Variants in CCSER2 observed in about 807,000 individuals in gnomAD.
CCSER2 encodes the protein coiled-coil serine rich protein 2.
Under a neutral mutation model 92.3 loss-of-function variants are expected in CCSER2, and 46 were observed. The observed-to-expected ratio is 0.50, with a 90% confidence interval of 0.39 to 0.64. CCSER2 has a LOEUF of 0.64. CCSER2 is among the 30% of genes least tolerant of loss of function. The pLI, the probability that CCSER2 is intolerant of heterozygous loss-of-function variation, is 0.00. For missense variants in CCSER2, 1,244 were observed against 1,238.9 expected (o/e 1.00, Z -0.06); for synonymous variants, 433 against 431.4 (o/e 1.00, Z -0.04).
chr10:84,450,390 A>G (rs1484139164), intron 6 of CCSER2, among the ~76,000 whole-genome samples: 1 of 152,224 alleles, frequency 6.6e-6, no homozygotes, highest in Non-Finnish European at 1.5e-5. Flanking sequence ...AGAGAAATAT[A>G]TGTATATCTC....
At chr10:84,443,481 G>T (rs922934250) in intron 6 of CCSER2, among the ~76,000 whole-genome samples, 1 of 152,182 alleles carries the variant, frequency 6.6e-6, no homozygotes, top group African/African-American at 2.4e-5. Flanking sequence ...ATCATTAAAA[G>T]TCAGGAGACA....
chr10:84,442,687 T>G (rs965889265), intron 6 of CCSER2, among the ~76,000 whole-genome samples: 2 of 152,210 alleles, frequency 1.3e-5, no homozygotes, highest in African/African-American at 4.8e-5. Flanking sequence ...GATCAGTTAA[T>G]TAACTGGATA....
At position 84,464,001 on chromosome 10, in the gene CCSER2, T is replaced by G; in HGVS notation, c.2133T>G (p.Gly711=). The change falls in exon 7 of 10, where the codon GGT becomes GGG. Residue 711 remains glycine, a synonymous_variant. Transcript: ENST00000372088. ...SLPSSPEPED[G]DKVYKNEDLL... ...CATCCAGTCCAGAACCAGAAGATGG[T>G]GATAAAGTATATAAGGTATGACTAT... 6.2e-7 allele frequency: 1 copy of G among 1,603,080 alleles called. No homozygotes were observed. Among genetic ancestry groups the G allele is most frequent in the Non-Finnish European group, 8.5e-7 (1 of 1,170,508 alleles).
In CCSER2 at chr10:84,371,175, T is replaced by G. The variant is rs751110319; in HGVS notation, c.123T>G (p.Thr41=). 6.2e-7 allele frequency: 1 copy of G among 1,613,536 alleles called. No homozygotes were observed. Among genetic ancestry groups the G allele is most frequent in the South Asian group, 1.1e-5 (1 of 90,990 alleles). ...PNGTPVNLLG[T]SKNSNVKSYI... is the part of the protein sequence containing the mutation. ...GGACACCTGTTAATTTATTAGGAAC[T>G]TCCAAGAATAGTAATGTCAAAAGTT... Residue 41 remains threonine, a synonymous_variant, in exon 2 of 10, where the codon ACT becomes ACG. Coordinates refer to ENST00000372088, the MANE Select transcript of CCSER2 (RefSeq NM_001284240.2).
chr10:84,391,803 G>T (rs1841534075), intron 3 of CCSER2: 1 of 1,564,588 alleles, frequency 6.4e-7, no homozygotes, highest in Admixed American at 1.7e-5. Flanking sequence ...ATGAGGAAAA[G>T]GATTCAGCAT....
At chr10:84,510,254 C>T (rs7905950) in intron 9 of CCSER2, among the ~76,000 whole-genome samples, 1,800 of 152,268 alleles carry the variant, frequency 0.012, 36 homozygotes, top group African/African-American at 0.041. Context: ...ATATTCTTCC[C>T]TTCTTGTTTA....
At chr10:84,499,903 C>T (rs1487323615) in intron 9 of CCSER2, 2 of 1,614,050 alleles carry the variant, frequency 1.2e-6, no homozygotes, top group East Asian at 4.5e-5. Flanking sequence ...TCCTTCTCTC[C>T]TTGGCAGGGC....
Position 84,463,971 on chromosome 10 carries a change from A to T in CCSER2, c.2103A>T (p.Ser701=). Residue 701 remains serine, a synonymous_variant, in exon 7 of 10, where the codon TCA becomes TCT. Coordinates refer to ENST00000372088, the MANE Select transcript of CCSER2 (RefSeq NM_001284240.2). ...GTTCATTGCATGATATTCAACTGTC[A>T]TTGCCATCCAGTCCAGAACCAGAAG... ...GSGSLHDIQL[S]LPSSPEPEDG... The T allele has an allele frequency of 6.2e-7, 1 of 1,612,050 alleles. No individual in the cohort carries two copies. The highest frequency in any genetic ancestry group is 1.1e-5 in the South Asian group (1 of 90,970).
rs1237575321 is a variant in CCSER2 at position 84,478,029 on chromosome 10, T to C, written c.2325+365T>C. Among the ~76,000 whole-genome samples, 4 of 152,216 alleles carry C rather than the reference T, an allele frequency of 2.6e-5. No homozygotes were observed. In the South Asian group the frequency reaches 6.2e-4, roughly 24 times the overall value. Reference sequence around the variant, plus strand: ...AGCAGCATATGACACTTTGAAAATATATGATTTAGCATATTCCTTTTTTGT... The same window carrying C: ...AGCAGCATATGACACTTTGAAAATACATGATTTAGCATATTCCTTTTTTGT... On this transcript the variant is annotated intron_variant, in intron 9 of 9. Coordinates refer to ENST00000372088, the MANE Select transcript of CCSER2 (RefSeq NM_001284240.2).
chr10:84,440,919 G>A (rs1229206136), intron 6 of CCSER2, among the ~76,000 whole-genome samples: 3 of 152,166 alleles, frequency 2.0e-5, no homozygotes, highest in Admixed American at 2.0e-4. Context: ...CTGATCCATT[G>A]TACATTGTGT....
intron 3 of CCSER2, among the ~76,000 whole-genome samples, chr10:84,400,123 T>C (rs1842043112): frequency 6.6e-6 from 1 of 152,194 alleles, no homozygotes; most frequent in African/African-American, 2.4e-5. Flanking sequence ...TTATATTTTC[T>C]TGATACCAGA....
chr10:84,349,438 A>G (rs1844739828), intron 1 of CCSER2, among the ~76,000 whole-genome samples: 1 of 151,430 alleles, frequency 6.6e-6, no homozygotes, highest in Admixed American at 6.6e-5. Flanking sequence ...TTGGGGAGGC[A>G]GGAGGGTCAC....
chr10:84,505,668 AT>A (rs1849003378), intron 9 of CCSER2, among the ~76,000 whole-genome samples: 2 of 152,142 alleles, frequency 1.3e-5, no homozygotes, highest in African/African-American at 4.8e-5. Context: ...CAAATATGGT[AT>A]TTTGTACCTT....
chr10:84,392,921 G>A (rs11201021), intron 3 of CCSER2, among the ~76,000 whole-genome samples: 54,099 of 151,928 alleles, frequency 0.36, 11,524 homozygotes, highest in East Asian at 0.5. Flanking sequence ...GCAGTTTAAG[G>A]GTTAGGCATG....
At chr10:84,378,510 C>A (rs1846463005) in intron 3 of CCSER2, among the ~76,000 whole-genome samples, 2 of 149,996 alleles carry the variant, frequency 1.3e-5, no homozygotes, top group Non-Finnish European at 3.0e-5. Context: ...TCTTGGCTCA[C>A]TGCAACCTCT....
In CCSER2 at chr10:84,513,958, C is replaced by T. The variant is rs1280943027; in HGVS notation, c.2835C>T (p.Pro945=). The change falls in exon 10 of 10, where the codon CCC becomes CCT. Residue 945 remains proline (P), a synonymous_variant. Transcript: ENST00000372088. ...PVSESSPSRT[P]TCKKSPIITT... is the part of the protein sequence containing the mutation. ...CTGAATCATCTCCAAGTAGGACTCC[C>T]ACTTGTAAAAAGTCACCAATAATCA... 2 of 1,536,432 alleles carry T rather than the reference C, an allele frequency of 1.3e-6. No individual in the cohort carries two copies. The highest frequency in any genetic ancestry group is 1.7e-6 in the Non-Finnish European group (2 of 1,146,952).
At chr10:84,456,265 A>G (rs765827140) in intron 6 of CCSER2, among the ~76,000 whole-genome samples, 2 of 152,226 alleles carry the variant, frequency 1.3e-5, no homozygotes, top group Non-Finnish European at 2.9e-5. Context: ...ACCCACTGCT[A>G]GCTCCTGGCA....
rs1845999848 is a variant in CCSER2 at position 84,370,391 on chromosome 10, G to A, written c.-39-623G>A. Among the ~76,000 whole-genome samples, 6 of 151,880 alleles carry A rather than the reference G, an allele frequency of 4.0e-5. No homozygotes were observed. The South Asian group carries it at 1.0e-3, about 26-fold the overall frequency. ...AGGTATTTTATTTTATTTTTTTGCA[G>A]CTATGGTCAAAGGGATTGAGTTCTT... On this transcript the variant is annotated intron_variant, in intron 1 of 9. Transcript: ENST00000372088.
intron 1 of CCSER2, among the ~76,000 whole-genome samples, chr10:84,342,836 G>T (rs1844272833): frequency 6.6e-6 from 1 of 152,088 alleles, no homozygotes; most frequent in African/African-American, 2.4e-5. Context: ...CCATGTTCTT[G>T]AACTTTCTTT....
Sources: gnomAD v4.1 joint callset for allele counts (sites outside exome capture counted in the v4.1 genomes callset) on GRCh38, gnomAD v4.1.1 for gene constraint, MANE v1.5 for transcripts, NCBI Gene and HGNC (gene_info 2026-07-23, HGNC 2026-07-21) for gene names.